Variants in TMTC2 observed in about 807,000 individuals in gnomAD.
TMTC2 encodes protein O-mannosyl-transferase TMTC2.
Under a neutral mutation model 82.4 loss-of-function variants are expected in TMTC2, and 43 were observed. The ratio of observed to expected loss-of-function variants is 0.52; its 90% CI spans 0.41 to 0.67. The LOEUF (loss-of-function observed/expected upper bound fraction) is 0.67, where lower values mean the gene tolerates loss of function less well. Among genes scored for constraint, TMTC2 ranks in the 30% least tolerant of loss-of-function variants. The pLI is 0.00. For synonymous variants in TMTC2, 408 were observed against 381.9 expected (o/e 1.07, Z -0.80); for missense variants, 919 against 1,012.4 (o/e 0.91, Z 1.25).
chr12:82,867,330 G>A (rs1390866004), intron 2 of TMTC2, among the ~76,000 whole-genome samples: 1 of 152,174 alleles, frequency 6.6e-6, no homozygotes, highest in Non-Finnish European at 1.5e-5. Context: ...CAAATAAAAT[G>A]CAGAGATCAT....
chr12:82,724,378 C>T (rs929586234), intron 1 of TMTC2, among the ~76,000 whole-genome samples: 1 of 152,104 alleles, frequency 6.6e-6, no homozygotes. Flanking sequence ...TATAACCCCC[C>T]GTGTTGAGGG....
At chr12:82,761,425 T>C (rs1201256663) in intron 1 of TMTC2, among the ~76,000 whole-genome samples, 1 of 152,162 alleles carries the variant, frequency 6.6e-6, no homozygotes, top group African/African-American at 2.4e-5. Flanking sequence ...TGGAGATGGC[T>C]CATCAGGGAG....
chr12:82,934,758 A>G lies in TMTC2; in HGVS notation c.1598+4213A>G, dbSNP rs559430431. On this transcript the variant is annotated intron_variant, in intron 4 of 11. Transcript: ENST00000321196. Reference sequence around the variant, plus strand: ...GGTATATACCTAGATTGCTGGGTCAAATGGTATTTCTGGTTCTAGATCCTT... The same window carrying G: ...GGTATATACCTAGATTGCTGGGTCAGATGGTATTTCTGGTTCTAGATCCTT... Among the ~76,000 whole-genome samples the G allele has an allele frequency of 2.7e-3, 408 of 152,188 alleles. 8 individuals are homozygous for G. The South Asian group carries it at 0.035, about 13-fold the overall frequency.
At chr12:83,048,436 G>A (rs1882221151) in intron 9 of TMTC2, among the ~76,000 whole-genome samples, 1 of 152,118 alleles carries the variant, frequency 6.6e-6, no homozygotes, top group African/African-American at 2.4e-5. Flanking sequence ...CCAAGAATTA[G>A]TGTTTATTTG....
At chr12:82,764,720 A>G (rs547196930) in intron 1 of TMTC2, among the ~76,000 whole-genome samples, 4 of 152,144 alleles carry the variant, frequency 2.6e-5, no homozygotes, top group Admixed American at 2.6e-4. Context: ...TCCGAAGATG[A>G]TTTTGAGGGC....
chr12:83,015,532 A>G (rs553049544), intron 8 of TMTC2, among the ~76,000 whole-genome samples: 74 of 152,246 alleles, frequency 4.9e-4, no homozygotes, highest in African/African-American at 1.7e-3. Flanking sequence ...TTTCCTTCTA[A>G]GGTCAAGAGT....
chr12:82,711,746 T>C (rs1387062240), intron 1 of TMTC2, among the ~76,000 whole-genome samples: 2 of 152,240 alleles, frequency 1.3e-5, no homozygotes, highest in African/African-American at 4.8e-5. Context: ...ATGAAATGTC[T>C]GCAGCAGATA....
chr12:82,948,018 G>C (rs1877121134), intron 4 of TMTC2, among the ~76,000 whole-genome samples: 3 of 152,168 alleles, frequency 2.0e-5, no homozygotes, highest in Non-Finnish European at 4.4e-5. Flanking sequence ...TGAGTTCAGT[G>C]AAGGGGGCCA....
intron 3 of TMTC2, among the ~76,000 whole-genome samples, chr12:82,919,394 A>G (rs12299596): frequency 0.061 from 9,275 of 152,268 alleles, 920 homozygotes; most frequent in African/African-American, 0.21. Context: ...GGCACATGCA[A>G]ACCATACATT....
intron 1 of TMTC2, among the ~76,000 whole-genome samples, chr12:82,689,726 TGTAA>T (rs954497133): frequency 1.3e-5 from 2 of 152,326 alleles, no homozygotes; most frequent in South Asian, 2.1e-4. Context: ...GGTTGGCAGT[TGTAA>T]GTTTTTCAGA....
chr12:83,110,260 T>C (rs1409048347), intron 11 of TMTC2, among the ~76,000 whole-genome samples: 1 of 152,212 alleles, frequency 6.6e-6, no homozygotes, highest in Non-Finnish European at 1.5e-5. Context: ...TCTTGACTAC[T>C]ACAGGACACT....
chr12:82,916,201 C>T (rs1874989635), intron 3 of TMTC2, among the ~76,000 whole-genome samples: 1 of 152,060 alleles, frequency 6.6e-6, no homozygotes, highest in Admixed American at 6.6e-5. Context: ...ATATATATTC[C>T]CCAAGTGTTC....
At chr12:83,129,200 G>T (rs1885188096) in intron 11 of TMTC2, among the ~76,000 whole-genome samples, 1 of 152,022 alleles carries the variant, frequency 6.6e-6, no homozygotes, top group Non-Finnish European at 1.5e-5. Flanking sequence ...TAAATATGTT[G>T]AATAATATTC....
At chr12:82,935,660 T>G (rs1006300008) in intron 4 of TMTC2, among the ~76,000 whole-genome samples, 1 of 152,154 alleles carries the variant, frequency 6.6e-6, no homozygotes, top group Non-Finnish European at 1.5e-5. Flanking sequence ...CCAAATGATA[T>G]TTAAAAAGGT....
Position 83,132,288 on chromosome 12 carries a change from C to A in TMTC2, c.2410C>A (p.Arg804=). The change falls in exon 12 of 12, where the codon CGG becomes AGG. Residue 804 remains arginine, a synonymous_variant. Coordinates refer to ENST00000321196, the MANE Select transcript of TMTC2 (RefSeq NM_152588.3). ...CCAGAAGGCCGAGGCCAACTACCTGCGGGCCCTGCAGCTCAAGCCAGACGA... is the reference window on the plus strand; with the variant it reads ...CCAGAAGGCCGAGGCCAACTACCTGAGGGCCCTGCAGCTCAAGCCAGACGA... The part of the protein sequence containing the change: ...RLQKAEANYL[R]ALQLKPDDVI... 6.2e-7 allele frequency: 1 copy of A among 1,613,964 alleles called. No individual in the cohort carries two copies. Among genetic ancestry groups the A allele is most frequent in the African/African-American group, 1.3e-5 (1 of 75,028 alleles).
chr12:82,834,555 T>C (rs1324175106), intron 1 of TMTC2, among the ~76,000 whole-genome samples: 1 of 152,240 alleles, frequency 6.6e-6, no homozygotes, highest in Non-Finnish European at 1.5e-5. Flanking sequence ...CGCTCTTTGC[T>C]GGATGGAATT....
chr12:82,800,878 A>G (rs1028305611), intron 1 of TMTC2, among the ~76,000 whole-genome samples: 1 of 152,294 alleles, frequency 6.6e-6, no homozygotes, highest in East Asian at 1.9e-4. Context: ...TTGATTGTAC[A>G]TCATTATTAA....
intron 1 of TMTC2, among the ~76,000 whole-genome samples, chr12:82,773,096 G>T (rs146984275): frequency 2.6e-5 from 4 of 152,216 alleles, no homozygotes; most frequent in African/African-American, 9.6e-5. Flanking sequence ...GATGGAAAAT[G>T]GATCCCAAGT....
chr12:82,723,479 C>T (rs1008965943), intron 1 of TMTC2, among the ~76,000 whole-genome samples: 10 of 152,088 alleles, frequency 6.6e-5, no homozygotes, highest in Non-Finnish European at 1.3e-4. Flanking sequence ...TTGGAATATT[C>T]GCACATACAT....
Sources: gnomAD v4.1 joint callset for allele counts (sites outside exome capture counted in the v4.1 genomes callset) on GRCh38, gnomAD v4.1.1 for gene constraint, MANE v1.5 for transcripts, NCBI Gene and HGNC (gene_info 2026-07-23, HGNC 2026-07-21) for gene names.